RNGTT: variants seen among roughly 807,000 people sequenced by gnomAD.
The protein encoded by RNGTT is mRNA-capping enzyme.
In RNGTT, 33 loss-of-function variants were observed where a neutral mutation model predicts 79.3. The observed-to-expected ratio is 0.42, with a 90% confidence interval of 0.32 to 0.56. The LOEUF (loss-of-function observed/expected upper bound fraction) is 0.56, where lower values mean the gene tolerates loss of function less well. Among genes scored for constraint, RNGTT ranks in the 20% least tolerant of loss-of-function variants. The probability of loss-of-function intolerance (pLI) is 0.17; values close to 1 mark genes in which losing one functional copy is unlikely to be tolerated. For synonymous variants in RNGTT, 222 were observed against 235.9 expected (o/e 0.94, Z 0.54); for missense variants, 497 against 739.1 (o/e 0.67, Z 3.80).
intron 12 of RNGTT, among the ~76,000 whole-genome samples, chr6:88,798,137 A>G (rs1245127260): frequency 6.6e-6 from 1 of 151,974 alleles, no homozygotes; most frequent in Non-Finnish European, 1.5e-5. Context: ...TTCAACAATA[A>G]AAAATATTAC....
chr6:88,820,814 A>C (rs552511089), intron 11 of RNGTT, among the ~76,000 whole-genome samples: 1 of 152,296 alleles, frequency 6.6e-6, no homozygotes, highest in Non-Finnish European at 1.5e-5. Flanking sequence ...AAGAAGAACT[A>C]AATAAATGGA....
chr6:88,926,909 T>G (rs531017258), intron 4 of RNGTT, among the ~76,000 whole-genome samples: 2 of 152,354 alleles, frequency 1.3e-5, no homozygotes, highest in South Asian at 4.1e-4. Flanking sequence ...CTGATTATAT[T>G]TTCTAACTAA....
intron 12 of RNGTT, among the ~76,000 whole-genome samples, chr6:88,771,315 G>GTGTATATATATATA (rs1303688973): frequency 8.1e-5 from 5 of 62,072 alleles, no homozygotes; most frequent in African/African-American, 3.3e-4. Flanking sequence ...GTGTGTGTGT[G>GTGTATATATATATA]TATATATATA....
intron 12 of RNGTT, among the ~76,000 whole-genome samples, chr6:88,784,204 A>C (rs1269693242): frequency 6.6e-6 from 1 of 152,206 alleles, no homozygotes; most frequent in Admixed American, 6.5e-5. Flanking sequence ...TCTGAGCAGC[A>C]GACATTCAGA....
chr6:88,828,045 G>A (rs1780729516), intron 11 of RNGTT, among the ~76,000 whole-genome samples: 1 of 152,174 alleles, frequency 6.6e-6, no homozygotes, highest in African/African-American at 2.4e-5. Flanking sequence ...GCTCTGCTAA[G>A]GGACAGATGG....
chr6:88,823,097 C>T (rs996237996), intron 11 of RNGTT, among the ~76,000 whole-genome samples: 1 of 152,202 alleles, frequency 6.6e-6, no homozygotes, highest in Admixed American at 6.5e-5. Context: ...ATAAATCAAA[C>T]GAGTGAATTA....
At chr6:88,815,992 AAG>A (rs1344706478) in intron 11 of RNGTT, among the ~76,000 whole-genome samples, 2 of 152,238 alleles carry the variant, frequency 1.3e-5, no homozygotes, top group Non-Finnish European at 1.5e-5. Flanking sequence ...CTAGGACAGA[AAG>A]AGAAAGCTCA....
intron 9 of RNGTT, among the ~76,000 whole-genome samples, chr6:88,853,070 A>G (rs1418987515): frequency 6.6e-6 from 1 of 152,222 alleles, no homozygotes; most frequent in African/African-American, 2.4e-5. Flanking sequence ...CACCCTTTAC[A>G]TATCTTTAAC....
chr6:88,739,561 C>A (rs1777397164), intron 13 of RNGTT, among the ~76,000 whole-genome samples: 2 of 151,588 alleles, frequency 1.3e-5, no homozygotes, highest in African/African-American at 2.4e-5. Context: ...CTTTTAGGAA[C>A]TATTTTCTAA....
intron 13 of RNGTT, among the ~76,000 whole-genome samples, chr6:88,687,324 A>G (rs1257161718): frequency 6.6e-6 from 1 of 152,176 alleles, no homozygotes; most frequent in African/African-American, 2.4e-5. Flanking sequence ...ACACTCTCGT[A>G]TACTACTATT....
At chr6:88,616,557 C>G (rs1772229547) in intron 14 of RNGTT, among the ~76,000 whole-genome samples, 1 of 151,612 alleles carries the variant, frequency 6.6e-6, no homozygotes, top group Non-Finnish European at 1.5e-5. Flanking sequence ...TTACTGTGCT[C>G]TAATTTAAAC....
At chr6:88,626,293 T>C (rs1056344621) in intron 14 of RNGTT, among the ~76,000 whole-genome samples, 1 of 152,044 alleles carries the variant, frequency 6.6e-6, no homozygotes, top group Non-Finnish European at 1.5e-5. Flanking sequence ...TAACAAAATT[T>C]GAATTCTAGG....
chr6:88,954,188 A>G (rs1284207890), intron 1 of RNGTT, among the ~76,000 whole-genome samples: 1 of 152,228 alleles, frequency 6.6e-6, no homozygotes, highest in Non-Finnish European at 1.5e-5. Flanking sequence ...AAGACACAGA[A>G]TGGCAGAATG....
At chr6:88,789,942 T>C (rs902369026) in intron 12 of RNGTT, among the ~76,000 whole-genome samples, 2 of 152,144 alleles carry the variant, frequency 1.3e-5, no homozygotes, top group African/African-American at 2.4e-5. Context: ...AACACCACAC[T>C]ATAAAAAGTT....
intron 13 of RNGTT, among the ~76,000 whole-genome samples, chr6:88,731,945 T>A (rs1002424705): frequency 2.6e-5 from 4 of 152,086 alleles, no homozygotes; most frequent in African/African-American, 9.7e-5. Flanking sequence ...TGTTAAAAAA[T>A]CATAAGGAAG....
intron 13 of RNGTT, among the ~76,000 whole-genome samples, chr6:88,734,135 C>G (rs1777206777): frequency 6.6e-6 from 1 of 151,942 alleles, no homozygotes; most frequent in African/African-American, 2.4e-5. Context: ...GCAATTACAG[C>G]ATATAGTTCA....
chr6:88,740,545 A>G (rs1298574003), intron 13 of RNGTT, among the ~76,000 whole-genome samples: 2 of 151,936 alleles, frequency 1.3e-5, no homozygotes, highest in Non-Finnish European at 2.9e-5. Flanking sequence ...AAGGAAAGAA[A>G]GAGAAAAAAG....
At position 88,812,616 on chromosome 6, in the gene RNGTT, A is replaced by G. The variant is rs140315657; in HGVS notation, c.1270-10984T>C. 3.1e-3 allele frequency among the ~76,000 whole-genome samples: 468 copies of G among 152,284 alleles called. 3 individuals are homozygous for G. The highest frequency in any genetic ancestry group is 9.1e-3 in the African/African-American group (379 of 41,540). On this transcript the variant is annotated intron_variant, in intron 11 of 15. Coordinates refer to ENST00000369485, the MANE Select transcript of RNGTT (RefSeq NM_003800.5). ...TCTAGTGGGGAGACCCCAAACTCAA[A>G]TGTCTATACGTGCCAGGCCATAACC...
At chr6:88,929,886 A>G (rs1267514474) in intron 2 of RNGTT, among the ~76,000 whole-genome samples, 6 of 142,920 alleles carry the variant, frequency 4.2e-5, no homozygotes, top group South Asian at 2.1e-4. Flanking sequence ...ACATACACAC[A>G]TATATACATA....
Sources: allele counts gnomAD v4.1 joint callset (sites outside exome capture counted in the v4.1 genomes callset), GRCh38; gene constraint gnomAD v4.1.1; transcripts MANE v1.5; gene names NCBI Gene and HGNC (gene_info 2026-07-23, HGNC 2026-07-21).